LILRA1: variants seen among roughly 807,000 people sequenced by gnomAD.
LILRA1 encodes the protein leukocyte immunoglobulin-like receptor subfamily A member 1.
A neutral mutation model predicts 51.6 loss-of-function variants in LILRA1; 51 were observed. The ratio of observed to expected loss-of-function variants is 0.99; its 90% CI spans 0.79 to 1.25. The LOEUF (loss-of-function observed/expected upper bound fraction) is 1.25. LILRA1 is among the 50% of genes most tolerant of loss of function. The pLI is 0.00. For missense variants in LILRA1, 660 were observed against 611.7 expected (o/e 1.08, Z -0.83); for synonymous variants, 305 against 248.4 (o/e 1.23, Z -2.14).
chr19:54,600,592 G>C, intron 9 of LILRA1, 42 bp downstream of exon 9: 2 of 1,613,534 alleles, frequency 1.2e-6, no homozygotes, highest in Non-Finnish European at 1.7e-6. Context: ...TGGGCACAAG[G>C]GTTGGGTCCT....
chr19:54,595,347 G>A lies in LILRA1; in HGVS notation c.606G>A (p.Ser202=), dbSNP rs766261549. ...CGTACAGGTGCTATGCTTATGACTCGAACTCTCCCCATGTGTGGTCTCTAC... is the reference window on the plus strand; with the variant it reads ...CGTACAGGTGCTATGCTTATGACTCAAACTCTCCCCATGTGTGGTCTCTAC... ...RWSYRCYAYD[S]NSPHVWSLPS... The change falls in exon 5 of 10, where the codon TCG becomes TCA. Residue 202 remains serine, a synonymous_variant. Transcript: ENST00000251372. 12 of 1,613,836 alleles carry A rather than the reference G, an allele frequency of 7.4e-6. No homozygotes were observed. The highest frequency in any genetic ancestry group is 1.6e-4 in the Middle Eastern group (1 of 6,082).
At chr19:54,598,279 T>A (rs118179750) in intron 7 of LILRA1, among the ~76,000 whole-genome samples, 5,344 of 152,324 alleles carry the variant, frequency 0.035, 117 homozygotes, top group South Asian at 0.055. Flanking sequence ...CATTTAATTT[T>A]ACTTTGCCTT....
At chr19:54,596,744 G>T (rs2063067349) in intron 7 of LILRA1, among the ~76,000 whole-genome samples, 1 of 152,162 alleles carries the variant, frequency 6.6e-6, no homozygotes, top group African/African-American at 2.4e-5. Flanking sequence ...GCAGGTGTCT[G>T]TAGTCCCAGG....
At chr19:54,594,533 C>G in intron 3 of LILRA1, 57 bp downstream of exon 3, 1 of 1,613,924 alleles carries the variant, frequency 6.2e-7, no homozygotes, top group East Asian at 2.2e-5. Context: ...CAAGGGGCCA[C>G]CCCCGTGCAG....
intron 7 of LILRA1, among the ~76,000 whole-genome samples, chr19:54,598,603 A>G (rs2063107492): frequency 1.3e-5 from 2 of 152,154 alleles, no homozygotes; most frequent in Admixed American, 1.3e-4. Flanking sequence ...AGTGCTTTAA[A>G]TTGTTAATTT....
chr19:54,599,562 A>G (rs1308386715), intron 8 of LILRA1: 2 of 1,139,898 alleles, frequency 1.8e-6, no homozygotes, highest in South Asian at 1.8e-5. Flanking sequence ...CTGCTTTTCA[A>G]TGGATCTCCT....
intron 7 of LILRA1, among the ~76,000 whole-genome samples, chr19:54,598,489 G>A (rs2063105133): frequency 6.6e-6 from 1 of 152,148 alleles, no homozygotes. Context: ...GAGGTCAGCG[G>A]GAGCTACAGT....
intron 5 of LILRA1, 57 bp downstream of exon 5, chr19:54,595,459 G>A (rs1568540573): frequency 1.3e-6 from 2 of 1,561,986 alleles, no homozygotes; most frequent in Middle Eastern, 1.7e-4. Flanking sequence ...TCTCCAGGCA[G>A]GTGGGGAGCA....
intron 2 of LILRA1, 39 bp from the exon 3 acceptor site, chr19:54,594,402 G>T (rs772588461): frequency 1.2e-6 from 2 of 1,614,096 alleles, no homozygotes; most frequent in Non-Finnish European, 1.7e-6. Flanking sequence ...ACCTGCCCAG[G>T]CTTCAGGGGC....
chr19:54,597,955 G>A lies in LILRA1; in HGVS notation c.1262-1281G>A, dbSNP rs79530948. 1.7e-3 allele frequency among the ~76,000 whole-genome samples: 265 copies of A among 151,690 alleles called. 1 individual carries two copies. The highest frequency in any genetic ancestry group is 6.2e-3 in the African/African-American group (257 of 41,426). On this transcript the variant is annotated intron_variant, in intron 7 of 9. Transcript: ENST00000251372. The stretch of plus-strand genomic sequence containing the variant: ...GGTGAGCACAGGAGGGGCCGTGTGA[G>A]CGGCACCCACAGCTGGAGTGCTTCT...
intron 8 of LILRA1, among the ~76,000 whole-genome samples, chr19:54,600,238 A>G (rs1408557345): frequency 1.3e-5 from 2 of 152,180 alleles, no homozygotes; most frequent in Non-Finnish European, 2.9e-5. Context: ...GACAGCGCAC[A>G]GGGCTCAGTG....
rs144561250 is a variant in LILRA1, at chr19:54,595,728, A to C, written c.751A>C (p.Ser251Arg). 6 of 1,454,720 alleles carry C rather than the reference A, an allele frequency of 4.1e-6. No homozygotes were observed. The Middle Eastern group carries it at 5.5e-4, about 132-fold the overall frequency. The allele number at this position is 1,454,720 out of a possible 1,614,324, so 90.1% of individuals were successfully genotyped here. ...SLTLQCVSDV[S>R]YDRFVLYKEG... ...GACCCTCCAGTGTGTTTCTGATGTC[A>C]GCTACGACAGATTTGTTCTGTATAA... is the stretch of plus-strand genomic sequence containing the variant. The change falls in exon 6 of 10, where the codon AGC becomes CGC. Residue 251 changes from serine (S) to arginine (R), a missense_variant. Coordinates refer to ENST00000251372, the MANE Select transcript of LILRA1 (RefSeq NM_006863.4).
rs201107778 is a variant in LILRA1 at position 54,596,328 on chromosome 19, C to G, written c.1098C>G (p.Pro366=). 353 of 1,608,176 alleles carry G rather than the reference C, an allele frequency of 2.2e-4. 1 individual carries two copies. Among genetic ancestry groups the G allele is most frequent in the Non-Finnish European group, 2.8e-4 (331 of 1,176,350 alleles). The stretch of plus-strand genomic sequence containing the variant: ...CCAAGGCGGGAGCAGCTGATGCCCC[C>G]CTCCGTCTCAGATCAATACACGAAT... The part of the protein sequence containing the change: ...LLTKAGAADA[P]LRLRSIHEYP... The change falls in exon 7 of 10, where the codon CCC becomes CCG. Residue 366 remains proline (P), a synonymous_variant. Transcript: ENST00000251372.
chr19:54,601,024 C>T lies in LILRA1; in HGVS notation c.*207C>T. On this transcript the variant is annotated 3_prime_UTR_variant, in exon 10 of 10. Transcript: ENST00000251372. The stretch of plus-strand genomic sequence containing the variant: ...GAGTGATCCATGAAGGACCATTAAC[C>T]TGTGATACCTTTCCTCTCTATTAAT... 1 of 624,668 alleles carries T rather than the reference C, an allele frequency of 1.6e-6. No individual in the cohort carries two copies. The highest frequency in any genetic ancestry group is 2.8e-6 in the Non-Finnish European group (1 of 354,210). The allele number at this position is 624,668 out of a possible 1,614,324, so 38.7% of individuals were successfully genotyped here.
At chr19:54,599,322 C>A in intron 8 of LILRA1, 36 bp downstream of exon 8, 2 of 1,542,132 alleles carry the variant, frequency 1.3e-6, no homozygotes, top group South Asian at 1.1e-5. Context: ...TGACGCTGGG[C>A]ACAGAGGGTC....
rs756932125 is a variant in LILRA1, at chr19:54,595,749, T to C, written c.772T>C (p.Tyr258His). 2.8e-4 allele frequency: 452 copies of C among 1,614,028 alleles called. 1 individual carries two copies. The South Asian group carries it at 4.7e-3, about 17-fold the overall frequency. Reference protein sequence around the residue: ...SDVSYDRFVLYKEGERDFLQL... With the variant: ...SDVSYDRFVLHKEGERDFLQL... ...TGTCAGCTACGACAGATTTGTTCTGTATAAGGAGGGAGAACGTGACTTCCT... is the reference window on the plus strand; with the variant it reads ...TGTCAGCTACGACAGATTTGTTCTGCATAAGGAGGGAGAACGTGACTTCCT... Residue 258 changes from tyrosine (Y) to histidine (H), a missense_variant, in exon 6 of 10, where the codon TAT becomes CAT. Tyr to His is a moderately conservative substitution (Grantham distance 83, BLOSUM62 2). Coordinates refer to ENST00000251372, the MANE Select transcript of LILRA1 (RefSeq NM_006863.4).
At position 54,601,603 on chromosome 19, in the gene LILRA1, A is replaced by G. The variant is rs956299410; in HGVS notation, c.*786A>G. On this transcript the variant is annotated 3_prime_UTR_variant, in exon 10 of 10. Transcript: ENST00000251372. Reference sequence around the variant, plus strand: ...TCACTTCGAGACTTCCTGCCTTTCCAGGCAGAACCAAAGTACACCACGTCA... The same window carrying G: ...TCACTTCGAGACTTCCTGCCTTTCCGGGCAGAACCAAAGTACACCACGTCA... The G allele has an allele frequency of 6.6e-6, 1 of 152,016 alleles. No individual in the cohort carries two copies. Among genetic ancestry groups the G allele is most frequent in the African/African-American group, 2.4e-5 (1 of 41,436 alleles). The allele number at this position is 152,016 out of a possible 1,614,324, so 9.4% of individuals were successfully genotyped here.
At chr19:54,598,819 G>A (rs1397731643) in intron 7 of LILRA1, among the ~76,000 whole-genome samples, 1 of 152,026 alleles carries the variant, frequency 6.6e-6, no homozygotes, top group Non-Finnish European at 1.5e-5. Context: ...TTTTGAGATG[G>A]AGTTTTGCTC....
Position 54,595,844 on chromosome 19 carries a change from C to T in LILRA1, c.867C>T (p.Arg289=), listed in dbSNP as rs1452017593. 1.9e-6 allele frequency: 3 copies of T among 1,614,178 alleles called. No individual in the cohort carries two copies. Among genetic ancestry groups the T allele is most frequent in the Admixed American group, 1.7e-5 (1 of 60,024 alleles). ...QANFTLGPVS[R]SYGGQYRCSG... ...ACTTCACCCTGGGCCCTGTGAGCCG[C>T]TCCTACGGGGGCCAGTACAGATGCT... The change falls in exon 6 of 10, where the codon CGC becomes CGT. Residue 289 remains arginine (R), a synonymous_variant. Transcript: ENST00000251372.
Sources: gnomAD v4.1 joint callset for allele counts (sites outside exome capture counted in the v4.1 genomes callset) on GRCh38, gnomAD v4.1.1 for gene constraint, MANE v1.5 for transcripts, NCBI Gene and HGNC (gene_info 2026-07-23, HGNC 2026-07-21) for gene names.